The following CNTN3 variants were observed in gnomAD, a reference collection of about 807,000 sequenced individuals.
CNTN3 encodes contactin-3.
A neutral mutation model predicts 119.1 loss-of-function variants in CNTN3; 60 were observed. The observed-to-expected ratio is 0.50, with a 90% confidence interval of 0.41 to 0.62. CNTN3 has a LOEUF of 0.62. Among genes scored for constraint, CNTN3 ranks in the 20% least tolerant of loss-of-function variants. CNTN3 has a pLI of 0.00. For missense variants in CNTN3, 1,101 were observed against 1,242.4 expected (o/e 0.89, Z 1.71); for synonymous variants, 450 against 438.7 (o/e 1.03, Z -0.32).
chr3:74,343,270 C>A (rs191318810), intron 11 of CNTN3, among the ~76,000 whole-genome samples: 1 of 152,150 alleles, frequency 6.6e-6, no homozygotes, highest in African/African-American at 2.4e-5. Flanking sequence ...CCCATTATTG[C>A]GTGGTAAAGA....
At position 74,302,882 on chromosome 3, in the gene CNTN3, AAAC is replaced by A. The variant is rs1253383906; in HGVS notation, c.1669-78_1669-76del. ...AAAGAAGTTTGAAGTCTATGGCCAAAAACAACAACATTGCAATGAAAACTATAT... is the reference window on the plus strand; with the variant it reads ...AAAGAAGTTTGAAGTCTATGGCCAAAAACAACATTGCAATGAAAACTATAT... On this transcript the variant is annotated intron_variant, in intron 13 of 22. Coordinates refer to ENST00000263665, the MANE Select transcript of CNTN3 (RefSeq NM_020872.3). 14 of 879,398 alleles carry A rather than the reference AAAC, an allele frequency of 1.6e-5. No homozygotes were observed. The South Asian group carries it at 2.1e-4, about 13-fold the overall frequency. 54.5% of individuals were successfully genotyped at this position (879,398 alleles called of 1,614,324 possible). A position where few individuals can be genotyped will look rare whatever the true frequency, so the allele number is the denominator to read the frequency against.
chr3:74,307,105 A>G (rs545477038), intron 13 of CNTN3, among the ~76,000 whole-genome samples: 13 of 152,264 alleles, frequency 8.5e-5, no homozygotes, highest in African/African-American at 3.1e-4. Context: ...GTACTTAGGC[A>G]TGTGCAAAGA....
intron 2 of CNTN3, among the ~76,000 whole-genome samples, chr3:74,519,355 C>T (rs1170967497): frequency 6.6e-6 from 1 of 151,754 alleles, no homozygotes; most frequent in Non-Finnish European, 1.5e-5. Flanking sequence ...GTGGACACTG[C>T]TTTTTCTATA....
At position 74,264,252 on chromosome 3, in the gene CNTN3, GT is replaced by G. The variant is rs577158907; in HGVS notation, c.*148del. 748 of 435,444 alleles carry G rather than the reference GT, an allele frequency of 1.7e-3. No individual in the cohort carries two copies. The highest frequency in any genetic ancestry group is 2.4e-3 in the Non-Finnish European group (581 of 242,422). 27.0% of individuals were successfully genotyped at this position (435,444 alleles called of 1,614,324 possible). On this transcript the variant is annotated 3_prime_UTR_variant, in exon 23 of 23. Coordinates refer to ENST00000263665, the MANE Select transcript of CNTN3 (RefSeq NM_020872.3). ...TCAGATTCCCCTAAAAGGATTTACT[GT>G]TTTTTTAATTATATTCATATTTACC...
At chr3:74,285,611 A>G in intron 19 of CNTN3, 120 bp from the exon 20 acceptor site, 1 of 984,010 alleles carries the variant, frequency 1.0e-6, no homozygotes, top group South Asian at 1.6e-5. Context: ...ATATTTACTG[A>G]AGACCTACTA....
chr3:74,467,437 A>T (rs916067290), intron 4 of CNTN3, among the ~76,000 whole-genome samples: 1 of 152,180 alleles, frequency 6.6e-6, no homozygotes, highest in African/African-American at 2.4e-5. Flanking sequence ...ATGGTTTTAA[A>T]GACATTTTCC....
chr3:74,277,660 A>T (rs755599918), intron 20 of CNTN3, among the ~76,000 whole-genome samples: 1 of 152,154 alleles, frequency 6.6e-6, no homozygotes, highest in African/African-American at 2.4e-5. Flanking sequence ...CAGCCAAATT[A>T]TACTGAATAG....
At position 74,394,702 on chromosome 3, in the gene CNTN3, A is replaced by G. The variant is rs116284525; in HGVS notation, c.455-23303T>C. Among the ~76,000 whole-genome samples, 665 of 152,294 alleles carry G rather than the reference A, an allele frequency of 4.4e-3. 6 individuals are homozygous for G. Among genetic ancestry groups the G allele is most frequent in the African/African-American group, 0.015 (630 of 41,574 alleles). On this transcript the variant is annotated intron_variant, in intron 5 of 22. Coordinates refer to ENST00000263665, the MANE Select transcript of CNTN3 (RefSeq NM_020872.3). ...ATTTGATTAAAAAAGATGGTGTGAA[A>G]CTAACAAAGTTAGAGAAAGGCTTAT... is the stretch of plus-strand genomic sequence containing the variant.
intron 11 of CNTN3, among the ~76,000 whole-genome samples, chr3:74,358,354 C>T (rs181586294): frequency 1.3e-3 from 191 of 151,848 alleles, no homozygotes; most frequent in Non-Finnish European, 1.5e-3. Flanking sequence ...TTTATTACCA[C>T]GAGACACTGC....
chr3:74,271,950 G>A (rs1288647847), intron 20 of CNTN3, among the ~76,000 whole-genome samples: 2 of 152,130 alleles, frequency 1.3e-5, no homozygotes, highest in African/African-American at 4.8e-5. Context: ...ACCCAACCTA[G>A]AACGCCAGGG....
At position 74,581,936 on chromosome 3, in the gene CNTN3, C is replaced by T. The variant is rs187556190; in HGVS notation, c.-81+32455G>A. ...TCCTCAATCTTTATGTTACTTTACA[C>T]ATAAACATTTATTTGACATAGATCA... On this transcript the variant is annotated intron_variant, in intron 1 of 22. Transcript: ENST00000263665. Among the ~76,000 whole-genome samples the T allele has an allele frequency of 4.4e-4, 67 of 152,202 alleles. No individual in the cohort carries two copies. In the East Asian group the frequency reaches 9.9e-3, roughly 22 times the overall value.
At chr3:74,555,533 C>T (rs149393672) in intron 1 of CNTN3, among the ~76,000 whole-genome samples, 3,213 of 152,228 alleles carry the variant, frequency 0.021, 139 homozygotes, top group African/African-American at 0.074. Context: ...GCTGTGAATC[C>T]GTCTGGTCCT....
At chr3:74,603,321 C>A (rs9875147) in intron 1 of CNTN3, among the ~76,000 whole-genome samples, 28,777 of 152,002 alleles carry the variant, frequency 0.19, 5,023 homozygotes, top group African/African-American at 0.45. Context: ...ATATTCCAGT[C>A]AGGTGGTGGA....
intron 4 of CNTN3, among the ~76,000 whole-genome samples, chr3:74,436,646 T>G (rs896697839): frequency 2.0e-5 from 3 of 152,172 alleles, no homozygotes; most frequent in Non-Finnish European, 4.4e-5. Flanking sequence ...TAAAAACAAA[T>G]ATAAAGGCTT....
intron 1 of CNTN3, among the ~76,000 whole-genome samples, chr3:74,544,534 C>T (rs1703886636): frequency 6.6e-6 from 1 of 152,032 alleles, no homozygotes; most frequent in African/African-American, 2.4e-5. Flanking sequence ...TCAATGAAAA[C>T]ATCAGTGTGA....
chr3:74,398,495 T>C (rs929844105), intron 5 of CNTN3, among the ~76,000 whole-genome samples: 1 of 152,260 alleles, frequency 6.6e-6, no homozygotes, highest in Non-Finnish European at 1.5e-5. Context: ...ACACAGCTTT[T>C]ATATGCATTA....
intron 16 of CNTN3, 80 bp from the exon 17 acceptor site, chr3:74,300,018 T>A (rs1329221532): frequency 1.1e-6 from 1 of 874,266 alleles, no homozygotes; most frequent in Admixed American, 3.0e-5. Context: ...AATGTTTTTT[T>A]AATATTTAAA....
chr3:74,445,900 G>A (rs887509031), intron 4 of CNTN3, among the ~76,000 whole-genome samples: 3 of 152,158 alleles, frequency 2.0e-5, no homozygotes, highest in Non-Finnish European at 4.4e-5. Context: ...GGACTTCACA[G>A]GTTGTGCACT....
chr3:74,560,297 C>T (rs1704133834), intron 1 of CNTN3, among the ~76,000 whole-genome samples: 1 of 152,068 alleles, frequency 6.6e-6, no homozygotes, highest in African/African-American at 2.4e-5. Context: ...GAGTGACTGC[C>T]TGATAAGGGT....
Sources: allele counts gnomAD v4.1 joint callset (sites outside exome capture counted in the v4.1 genomes callset), GRCh38; gene constraint gnomAD v4.1.1; transcripts MANE v1.5; gene names NCBI Gene and HGNC (gene_info 2026-07-23, HGNC 2026-07-21).